The following UFL1 variants were observed in gnomAD, a reference collection of about 807,000 sequenced individuals.
The protein encoded by UFL1 is E3 UFM1-protein ligase 1.
Under a neutral mutation model 99.3 loss-of-function variants are expected in UFL1, and 78 were observed. That is an observed-to-expected ratio of 0.79 (90% CI 0.65 to 0.95). UFL1 has a LOEUF of 0.95. UFL1 is among the 40% of genes least tolerant of loss of function. The probability of loss-of-function intolerance (pLI) is 0.00; values close to 1 mark genes in which losing one functional copy is unlikely to be tolerated. For missense variants in UFL1, 936 were observed against 937.0 expected (o/e 1.00, Z 0.01); for synonymous variants, 335 against 322.2 (o/e 1.04, Z -0.42).
At chr6:96,551,778 G>A (rs1248217914) in intron 16 of UFL1, 60 bp from the exon 17 acceptor site, 18 of 1,105,650 alleles carry the variant, frequency 1.6e-5, no homozygotes, top group Admixed American at 2.4e-5. Context: ...TTGTTAAATG[G>A]CTATACTTCC....
At position 96,553,883 on chromosome 6, in the gene UFL1, C is replaced by T. The variant is rs907746433; in HGVS notation, c.*380C>T. 2 of 166,204 alleles carry T rather than the reference C, an allele frequency of 1.2e-5. No homozygotes were observed. The highest frequency in any genetic ancestry group is 2.4e-5 in the African/African-American group (1 of 41,780). The allele number at this position is 166,204 out of a possible 1,614,324, so 10.3% of individuals were successfully genotyped here. A position where few individuals can be genotyped will look rare whatever the true frequency, so the allele number is the denominator to read the frequency against. On this transcript the variant is annotated 3_prime_UTR_variant, in exon 19 of 19. Transcript: ENST00000369278. ...TTCATTTGTTGCGAGTGCCAGTATA[C>T]TTAAATGTATACTTTATATACATTT...
intron 3 of UFL1, among the ~76,000 whole-genome samples, chr6:96,525,072 C>CT (rs77037523): frequency 1.6e-3 from 228 of 141,898 alleles, no homozygotes; most frequent in East Asian, 3.6e-3. Context: ...TTCTTTCTTT[C>CT]TTTTTTTTTT....
rs1314864639 is a variant in UFL1 at position 96,555,180 on chromosome 6, G to GATTA, written c.*1681_*1684dup. The stretch of plus-strand genomic sequence containing the variant: ...TTACGTAGCTGATTTTGTATGTAAA[G>GATTA]ATTAATTTCCATAATAAAAATTATT... On this transcript the variant is annotated 3_prime_UTR_variant, in exon 19 of 19. Coordinates refer to ENST00000369278, the MANE Select transcript of UFL1 (RefSeq NM_015323.5). The GATTA allele has an allele frequency of 6.6e-6, 1 of 152,084 alleles. No homozygotes were observed. Among genetic ancestry groups the GATTA allele is most frequent in the African/African-American group, 2.4e-5 (1 of 41,422 alleles). 9.4% of individuals were successfully genotyped at this position (152,084 alleles called of 1,614,324 possible).
chr6:96,528,296 T>G (rs1225813321), intron 5 of UFL1, among the ~76,000 whole-genome samples: 2 of 152,202 alleles, frequency 1.3e-5, no homozygotes, highest in Non-Finnish European at 2.9e-5. Flanking sequence ...ATTTGACTCA[T>G]TTCTTGGCTC....
At chr6:96,536,202 A>T in intron 7 of UFL1, 42 bp from the exon 8 acceptor site, 1 of 1,559,222 alleles carries the variant, frequency 6.4e-7, no homozygotes, top group East Asian at 2.3e-5. Context: ...TAAGATTTAT[A>T]CCTGGTCTGA....
intron 10 of UFL1, among the ~76,000 whole-genome samples, 168 bp from the exon 11 acceptor site, chr6:96,540,367 A>T (rs1169204063): frequency 6.6e-6 from 1 of 151,504 alleles, no homozygotes; most frequent in African/African-American, 2.4e-5. Flanking sequence ...GAAGAGACCT[A>T]TTTTGGGCAA....
chr6:96,540,602 G>A lies in UFL1; in HGVS notation c.1226G>A (p.Ser409Asn). Residue 409 changes from serine to asparagine, a missense_variant, in exon 11 of 19, where the codon AGC (serine) becomes AAC (asparagine). By Grantham distance (46) the Ser-to-Asn change is conservative. Coordinates refer to ENST00000369278, the MANE Select transcript of UFL1 (RefSeq NM_015323.5). ...EDLKQISTLE[S>N]VSTSKKDKKD... ...CTGAAACAAATCTCCACTTTAGAAA[G>A]CGTTAGTACAAGTAAAAAGGATAAA... 6.2e-7 allele frequency: 1 copy of A among 1,607,236 alleles called. No homozygotes were observed. The highest frequency in any genetic ancestry group is 8.5e-7 in the Non-Finnish European group (1 of 1,176,548).
intron 5 of UFL1, 61 bp from the exon 6 acceptor site, chr6:96,528,441 C>CA: frequency 2.6e-6 from 4 of 1,565,962 alleles, no homozygotes; most frequent in Non-Finnish European, 3.5e-6. Context: ...TATGACTATG[C>CA]AAATGCATAT....
At position 96,540,590 on chromosome 6, in the gene UFL1, C is replaced by T; in HGVS notation, c.1214C>T (p.Ser405Phe). ...LITEEDLKQI[S>F]TLESVSTSKK... ...ACTGAAGAAGATCTGAAACAAATCT[C>T]CACTTTAGAAAGCGTTAGTACAAGT... The change falls in exon 11 of 19, where the codon TCC (serine) becomes TTC (phenylalanine). Residue 405 changes from serine (S) to phenylalanine (F), a missense_variant. Physicochemically the swap from Ser to Phe is radical, Grantham distance 155 (BLOSUM62 -2). Coordinates refer to ENST00000369278, the MANE Select transcript of UFL1 (RefSeq NM_015323.5). 6.2e-7 allele frequency: 1 copy of T among 1,607,118 alleles called. No homozygotes were observed.
chr6:96,549,305 AAT>A (rs1770042433), intron 13 of UFL1, 105 bp from the exon 14 acceptor site: 2 of 881,198 alleles, frequency 2.3e-6, no homozygotes, highest in Non-Finnish European at 3.2e-6. Context: ...TGCATAAAAA[AAT>A]AGAGATTTCT....
intron 5 of UFL1, among the ~76,000 whole-genome samples, chr6:96,527,133 T>G (rs4363045): frequency 0.99 from 150,345 of 152,106 alleles, 74,326 homozygotes; most frequent in East Asian, 1. Context: ...CTTTTTTCTG[T>G]TTTTTTTTGT....
rs1014784308 is a variant in UFL1 at position 96,554,453 on chromosome 6, AAT to A, written c.*952_*953del. 6.6e-6 allele frequency: 1 copy of A among 152,124 alleles called. No individual in the cohort carries two copies. The highest frequency in any genetic ancestry group is 2.1e-4 in the South Asian group (1 of 4,832). The allele number at this position is 152,124 out of a possible 1,614,324, so 9.4% of individuals were successfully genotyped here. A position where few individuals can be genotyped will look rare whatever the true frequency, so the allele number is the denominator to read the frequency against. ...CCAAAACTAGAAACCCTTATTAAAA[AAT>A]AGACATTTTTTTCTAAAGATTATTA... On this transcript the variant is annotated 3_prime_UTR_variant, in exon 19 of 19. Transcript: ENST00000369278.
At chr6:96,524,332 G>C (rs374437973) in intron 2 of UFL1, 50 bp from the exon 3 acceptor site, 146 of 1,517,840 alleles carry the variant, frequency 9.6e-5, no homozygotes, top group Admixed American at 3.4e-4. Flanking sequence ...GCTTTGGGTT[G>C]GTATGTACGC....
rs564062066 is a variant in UFL1 at position 96,522,039 on chromosome 6, A to C, written c.77+89A>C. 6.5e-6 allele frequency: 9 copies of C among 1,386,440 alleles called. No individual in the cohort carries two copies. The Admixed American group carries it at 1.8e-4, about 28-fold the overall frequency. 85.9% of individuals were successfully genotyped at this position (1,386,440 alleles called of 1,614,324 possible). A position where few individuals can be genotyped will look rare whatever the true frequency, so the allele number is the denominator to read the frequency against. On this transcript the variant is annotated intron_variant, in intron 1 of 18. Transcript: ENST00000369278. ...TGGGACTTTAGACCCGCGGCCCTGC[A>C]TCCCGGGTCTTCTCGCTGCTTGTCA...
chr6:96,548,283 C>T lies in UFL1; in HGVS notation c.1520+2C>T, dbSNP rs1770029538. 2 of 1,524,882 alleles carry T rather than the reference C, an allele frequency of 1.3e-6. No individual in the cohort carries two copies. The highest frequency in any genetic ancestry group is 1.2e-5 in the South Asian group (1 of 82,468). The allele number at this position is 1,524,882 out of a possible 1,614,324, so 94.5% of individuals were successfully genotyped here. A position where few individuals can be genotyped will look rare whatever the true frequency, so the allele number is the denominator to read the frequency against. ...GGAACTTGCTGAGTACTTAATAAAG[C>T]AAGTATAAAATGTATTTTTTCTGTT... is the stretch of plus-strand genomic sequence containing the variant. On this transcript the variant is annotated splice_donor_variant, in intron 13 of 18. Transcript: ENST00000369278. LOFTEE classifies it low-confidence loss of function (GC_TO_GT_DONOR).
At position 96,534,330 on chromosome 6, in the gene UFL1, G is replaced by A. The variant is rs1198958638; in HGVS notation, c.655+9G>A. ...GGAGCAGCTTCTTTACTGTGAGTTT[G>A]GTTTAAATTATATTTACTTAATTAG... On this transcript the variant is annotated intron_variant, in intron 7 of 18. Transcript: ENST00000369278. The A allele has an allele frequency of 1.3e-6, 2 of 1,554,892 alleles. No homozygotes were observed. The highest frequency in any genetic ancestry group is 1.4e-5 in the African/African-American group (1 of 71,530).
chr6:96,525,679 TAAA>T (rs199586317), intron 4 of UFL1, among the ~76,000 whole-genome samples: 6 of 110,882 alleles, frequency 5.4e-5, no homozygotes. Flanking sequence ...TGTCTCAAAT[TAAA>T]AAAAAAAAAA....
Position 96,538,768 on chromosome 6 carries a change from T to C in UFL1, c.1116T>C (p.Cys372=), listed in dbSNP as rs1207573079. 1 of 1,610,916 alleles carries C rather than the reference T, an allele frequency of 6.2e-7. No homozygotes were observed. Among genetic ancestry groups the C allele is most frequent in the Admixed American group, 1.7e-5 (1 of 59,706 alleles). Residue 372 remains cysteine (C), a synonymous_variant, in exon 10 of 19, where the codon TGT becomes TGC. Coordinates refer to ENST00000369278, the MANE Select transcript of UFL1 (RefSeq NM_015323.5). ...VVVSEKFIND[C]TELFRELMHQ... is the part of the protein sequence containing the mutation. ...TCAGTGAAAAATTTATAAATGACTGTACAGAACTGTTCCGTGAGCTGATGC... is the reference window on the plus strand; with the variant it reads ...TCAGTGAAAAATTTATAAATGACTGCACAGAACTGTTCCGTGAGCTGATGC...
chr6:96,551,438 A>G lies in UFL1; in HGVS notation c.1824A>G (p.Arg608=). The G allele has an allele frequency of 9.4e-6, 14 of 1,496,318 alleles. No individual in the cohort carries two copies. The highest frequency in any genetic ancestry group is 1.2e-5 in the South Asian group (1 of 80,304). 92.7% of individuals were successfully genotyped at this position (1,496,318 alleles called of 1,614,324 possible). ...ATTTTCATTTACCCCTACAGATAAG[A>G]AAGAAAATTTTAAGTAAATTATCAG... is the stretch of plus-strand genomic sequence containing the variant. ...DDPAAITSEI[R]KKILSKLSEE... The change falls in exon 16 of 19, where the codon AGA becomes AGG. Residue 608 remains arginine, a synonymous_variant. Transcript: ENST00000369278.
Sources: gnomAD v4.1 joint callset for allele counts (sites outside exome capture counted in the v4.1 genomes callset) on GRCh38, gnomAD v4.1.1 for gene constraint, MANE v1.5 for transcripts, NCBI Gene and HGNC (gene_info 2026-07-23, HGNC 2026-07-21) for gene names.